THUMPD1: variants seen among roughly 807,000 people sequenced by gnomAD.
THUMPD1 encodes the protein THUMP domain-containing protein 1.
Under a neutral mutation model 31.6 loss-of-function variants are expected in THUMPD1, and 31 were observed. That is an observed-to-expected ratio of 0.98 (90% CI 0.74 to 1.32). The LOEUF (loss-of-function observed/expected upper bound fraction) is 1.32. THUMPD1 is among the 40% of genes most tolerant of loss of function. THUMPD1 has a pLI of 0.00. For synonymous variants in THUMPD1, 166 were observed against 158.2 expected, an observed-to-expected ratio of 1.05 and a Z score of -0.37; for missense variants, 446 against 427.8, an observed-to-expected ratio of 1.04 and a Z score of -0.38.
intron 1 of THUMPD1, among the ~76,000 whole-genome samples, chr16:20,740,210 T>C (rs1328351224): frequency 6.6e-6 from 1 of 152,174 alleles, no homozygotes; most frequent in Non-Finnish European, 1.5e-5. Context: ...CTGGACAACA[T>C]GGCCTGAGAA....
intron 2 of THUMPD1, 29 bp downstream of exon 2, chr16:20,738,868 T>C: frequency 6.2e-7 from 1 of 1,609,934 alleles, no homozygotes; most frequent in Non-Finnish European, 8.5e-7. Flanking sequence ...TGTTATGAGA[T>C]CGATAATCTT....
chr16:20,734,278 CTT>C lies in THUMPD1; in HGVS notation c.*2600_*2601del, dbSNP rs2079849935. On this transcript the variant is annotated 3_prime_UTR_variant, in exon 4 of 4. Coordinates refer to ENST00000396083, the MANE Select transcript of THUMPD1 (RefSeq NM_017736.5). Reference sequence around the variant, plus strand: ...TTGTCTTGCACTATCAAAATAGAATCTTTGTCTTGGAGCAAGTCTGCTGAAGA... The same window carrying C: ...TTGTCTTGCACTATCAAAATAGAATCTGTCTTGGAGCAAGTCTGCTGAAGA... 6.6e-6 allele frequency: 1 copy of C among 152,578 alleles called. No individual in the cohort carries two copies. The highest frequency in any genetic ancestry group is 1.5e-5 in the Non-Finnish European group (1 of 68,010). The allele number at this position is 152,578 out of a possible 1,614,324, so 9.5% of individuals were successfully genotyped here.
In THUMPD1 at chr16:20,735,056, T is replaced by A. The variant is rs763958909; in HGVS notation, c.*1824A>T. ...AGTGGCTGCAGAAACATTTCAAGAATTCCTCTGGCAAGGTGGCAAGTCAGT... is the reference window on the plus strand; with the variant it reads ...AGTGGCTGCAGAAACATTTCAAGAAATCCTCTGGCAAGGTGGCAAGTCAGT... On this transcript the variant is annotated 3_prime_UTR_variant, in exon 4 of 4. Transcript: ENST00000396083. The A allele has an allele frequency of 1.3e-5, 2 of 152,232 alleles. No homozygotes were observed. Among genetic ancestry groups the A allele is most frequent in the South Asian group, 2.1e-4 (1 of 4,832 alleles). The allele number at this position is 152,232 out of a possible 1,614,324, so 9.4% of individuals were successfully genotyped here. A position where few individuals can be genotyped will look rare whatever the true frequency, so the allele number is the denominator to read the frequency against.
At position 20,737,143 on chromosome 16, in the gene THUMPD1, C is replaced by A. The variant is rs1376692462; in HGVS notation, c.799G>T (p.Val267Leu). 2.5e-6 allele frequency: 4 copies of A among 1,614,104 alleles called. No homozygotes were observed. The highest frequency in any genetic ancestry group is 3.4e-6 in the Non-Finnish European group (4 of 1,180,048). The change falls in exon 4 of 4, where the codon GTG becomes TTG. Residue 267 changes from valine (V) to leucine (L), a missense_variant. Physicochemically the swap from Val to Leu is conservative, Grantham distance 32. Transcript: ENST00000396083. ...GACGGATCCTTAGGGCTCTTCACCA[C>A]CTCCTGGAGATTGTATTTTCTAAAC... Reference protein sequence around the residue: ...MLFRKYNLQEVVKSPKDPSQL... With the variant: ...MLFRKYNLQELVKSPKDPSQL...
intron 1 of THUMPD1, among the ~76,000 whole-genome samples, chr16:20,740,373 C>G (rs1306554750): frequency 4.6e-5 from 7 of 152,206 alleles, no homozygotes; most frequent in African/African-American, 1.7e-4. Context: ...CAACCTCCAC[C>G]TTGGGTGACA....
In THUMPD1 at chr16:20,738,988, G is replaced by A; in HGVS notation, c.315C>T (p.Asp105=). 2 of 1,614,156 alleles carry A rather than the reference G, an allele frequency of 1.2e-6. No individual in the cohort carries two copies. The highest frequency in any genetic ancestry group is 1.7e-6 in the Non-Finnish European group (2 of 1,180,030). The change falls in exon 2 of 4, where the codon GAC becomes GAT. Residue 105 remains aspartate (D), a synonymous_variant. Transcript: ENST00000396083. ...ACCTCATCTCTGTAGATGCCTTAAT[G>A]TCACCAACTTCTTTCTTCAAGGCAG... ...AEAALKKEVG[D]IKASTEMRLR...
rs1383193676 is a variant in THUMPD1, at chr16:20,737,969, A to G, written c.407-13T>C. The G allele has an allele frequency of 2.6e-6, 4 of 1,568,076 alleles. No individual in the cohort carries two copies. The highest frequency in any genetic ancestry group is 3.4e-6 in the Non-Finnish European group (4 of 1,162,640). On this transcript the variant is annotated splice_polypyrimidine_tract_variant and intron_variant, in intron 2 of 3. Transcript: ENST00000396083. ...AATTTCTCAGGCTCTTAAGAAAAAA[A>G]AAAAGTTAAGAAGATAATTTCTCAG...
In THUMPD1 at chr16:20,736,613, G is replaced by A. The variant is rs1031951260; in HGVS notation, c.*267C>T. 6 of 385,248 alleles carry A rather than the reference G, an allele frequency of 1.6e-5. No individual in the cohort carries two copies. In the South Asian group the frequency reaches 3.2e-4, roughly 20 times the overall value. 23.9% of individuals were successfully genotyped at this position (385,248 alleles called of 1,614,324 possible). On this transcript the variant is annotated 3_prime_UTR_variant, in exon 4 of 4. Coordinates refer to ENST00000396083, the MANE Select transcript of THUMPD1 (RefSeq NM_017736.5). ...TTAAGTCAGCTGGCACTGCAGAAGA[G>A]GAGCCTGGGAGAGGCCAACATCCCC...
chr16:20,734,006 TAAACCTGA>T lies in THUMPD1; in HGVS notation c.*2866_*2873del, dbSNP rs2079847791. ...AATGTCAGTGAAAATAAACAGTTGA[TAAACCTGA>T]AAACAAGTCTTTTAATGAGTTCAGG... On this transcript the variant is annotated 3_prime_UTR_variant, in exon 4 of 4. Transcript: ENST00000396083. 1 of 152,170 alleles carries T rather than the reference TAAACCTGA, an allele frequency of 6.6e-6. No individual in the cohort carries two copies. Among genetic ancestry groups the T allele is most frequent in the Non-Finnish European group, 1.5e-5 (1 of 68,016 alleles). The allele number at this position is 152,170 out of a possible 1,614,324, so 9.4% of individuals were successfully genotyped here.
intron 1 of THUMPD1, 33 bp downstream of exon 1, chr16:20,741,476 A>AGCCGGGGGGGGGGGGGG: frequency 7.2e-7 from 1 of 1,388,838 alleles, no homozygotes; most frequent in Non-Finnish European, 9.5e-7. Context: ...AAGGCCTGGC[A>AGCCGGGGGGGGGGGGGG]GCCGGCCCGC....
chr16:20,734,931 G>A lies in THUMPD1; in HGVS notation c.*1949C>T, dbSNP rs1298557479. The A allele has an allele frequency of 1.3e-5, 2 of 152,210 alleles. No individual in the cohort carries two copies. Among genetic ancestry groups the A allele is most frequent in the Non-Finnish European group, 2.9e-5 (2 of 68,044 alleles). The allele number at this position is 152,210 out of a possible 1,614,324, so 9.4% of individuals were successfully genotyped here. On this transcript the variant is annotated 3_prime_UTR_variant, in exon 4 of 4. Transcript: ENST00000396083. ...GGTTCCTCATAGGTTATATACTAGT[G>A]CTGGGAAAAGGAGAGAAAATGCTAT...
Position 20,738,976 on chromosome 16 carries a change from A to G in THUMPD1, c.327T>C (p.Ser109=). 1.9e-6 allele frequency: 3 copies of G among 1,614,196 alleles called. No individual in the cohort carries two copies. The highest frequency in any genetic ancestry group is 2.5e-6 in the Non-Finnish European group (3 of 1,180,040). ...GGAATCTTCTTAACCTCATCTCTGT[A>G]GATGCCTTAATGTCACCAACTTCTT... ...LKKEVGDIKA[S]TEMRLRRFQS... Residue 109 remains serine, a synonymous_variant, in exon 2 of 4, where the codon TCT becomes TCC. Coordinates refer to ENST00000396083, the MANE Select transcript of THUMPD1 (RefSeq NM_017736.5).
Position 20,737,071 on chromosome 16 carries a change from A to G in THUMPD1, c.871T>C (p.Ser291Pro). 1 of 1,614,122 alleles carries G rather than the reference A, an allele frequency of 6.2e-7. No homozygotes were observed. The highest frequency in any genetic ancestry group is 1.1e-5 in the South Asian group (1 of 91,074). ...TTGTTTTGGTCTGATTTGTCCGCAG[A>G]TTCCAGTTTAGCTTCTTTCCCATTT... ...QGNGKEAKLE[S>P]ADKSDQNNTA... The change falls in exon 4 of 4, where the codon TCT (serine) becomes CCT (proline). Residue 291 changes from serine (S) to proline (P), a missense_variant. Ser to Pro is a moderately conservative substitution (Grantham distance 74, BLOSUM62 -1). Coordinates refer to ENST00000396083, the MANE Select transcript of THUMPD1 (RefSeq NM_017736.5).
chr16:20,740,134 T>C (rs2079904331), intron 1 of THUMPD1, among the ~76,000 whole-genome samples: 1 of 152,238 alleles, frequency 6.6e-6, no homozygotes, highest in Non-Finnish European at 1.5e-5. Flanking sequence ...GGCTCATGCC[T>C]GTAATCCCAG....
rs543812793 is a variant in THUMPD1, at chr16:20,737,358, G to T, written c.656-72C>A. ...ATCTGATAGATACAAAAAATCTTTT[G>T]TCTCTGTTTCTTGTTAAAACAAGAC... On this transcript the variant is annotated intron_variant, in intron 3 of 3. Transcript: ENST00000396083. 3 of 1,470,982 alleles carry T rather than the reference G, an allele frequency of 2.0e-6. No homozygotes were observed. In the East Asian group the frequency reaches 6.9e-5, roughly 34 times the overall value. The allele number at this position is 1,470,982 out of a possible 1,614,324, so 91.1% of individuals were successfully genotyped here.
chr16:20,736,972 T>C lies in THUMPD1; in HGVS notation c.970A>G (p.Asn324Asp), dbSNP rs2079875009. The stretch of plus-strand genomic sequence containing the variant: ...CCTCCCTCATTTACCACCTGTGGAT[T>C]AGACGTTGGTTTTGTCTGCCCCAGC... ...EELGQTKPTS[N>D]PQVVNEGGAK... Residue 324 changes from asparagine (N) to aspartate (D), a missense_variant, in exon 4 of 4, where the codon AAT becomes GAT. Asn to Asp is a conservative substitution (Grantham distance 23). Transcript: ENST00000396083. 6.2e-7 allele frequency: 1 copy of C among 1,614,056 alleles called. No individual in the cohort carries two copies. The highest frequency in any genetic ancestry group is 1.1e-5 in the South Asian group (1 of 91,080).
At chr16:20,738,209 C>T (rs187246702) in intron 2 of THUMPD1, 39 of 523,284 alleles carry the variant, frequency 7.5e-5, no homozygotes, top group South Asian at 5.4e-4. Flanking sequence ...AGGTAGACAC[C>T]GTTGTTAACA....
chr16:20,739,430 C>T (rs958547276), intron 1 of THUMPD1, among the ~76,000 whole-genome samples: 3 of 152,112 alleles, frequency 2.0e-5, no homozygotes, highest in African/African-American at 7.2e-5. Flanking sequence ...CTCAGCCTCC[C>T]AAAGTGCTGG....
rs1473337402 is a variant in THUMPD1, at chr16:20,736,738, G to A, written c.*142C>T. On this transcript the variant is annotated 3_prime_UTR_variant, in exon 4 of 4. Transcript: ENST00000396083. The stretch of plus-strand genomic sequence containing the variant: ...CTAAAAAAACTGTTAACAGGGCTGC[G>A]CAATCATTGCTCACTACTGTGAGAA... 6.1e-5 allele frequency: 49 copies of A among 799,024 alleles called. No homozygotes were observed. Among genetic ancestry groups the A allele is most frequent in the Non-Finnish European group, 7.6e-5 (39 of 512,438 alleles). 49.5% of individuals were successfully genotyped at this position (799,024 alleles called of 1,614,324 possible). A position where few individuals can be genotyped will look rare whatever the true frequency, so the allele number is the denominator to read the frequency against.
Sources: gnomAD v4.1 joint callset for allele counts (sites outside exome capture counted in the v4.1 genomes callset) on GRCh38, gnomAD v4.1.1 for gene constraint, MANE v1.5 for transcripts, NCBI Gene and HGNC (gene_info 2026-07-23, HGNC 2026-07-21) for gene names.